Variants in SIPA1L3 observed in about 807,000 individuals in gnomAD.
SIPA1L3 encodes the protein signal induced proliferation associated 1 like 3, also known as signal-induced proliferation-associated 1-like protein 3.
SIPA1L3 carries 59 observed loss-of-function variants against 150.1 expected under a neutral mutation model. The observed-to-expected ratio is 0.39, with a 90% CI of 0.32 to 0.49. The LOEUF (loss-of-function observed/expected upper bound fraction) is 0.49, where lower values mean the gene tolerates loss of function less well. SIPA1L3 is among the 20% of genes least tolerant of loss of function. SIPA1L3 has a pLI of 0.86. For missense variants in SIPA1L3, 2,211 were observed against 2,489.5 expected, an observed-to-expected ratio of 0.89 and a Z score of 2.38; for synonymous variants, 1,070 against 1,077.6, an observed-to-expected ratio of 0.99 and a Z score of 0.14.
intron 1 of SIPA1L3, among the ~76,000 whole-genome samples, chr19:38,000,894 T>TA (rs1188470602): frequency 1.7e-5 from 2 of 114,954 alleles, no homozygotes; most frequent in East Asian, 7.9e-4. Context: ...TATATATATG[T>TA]TATATATATA....
At position 38,206,522 on chromosome 19, in the gene SIPA1L3, CCG is replaced by C; in HGVS notation, c.*284_*285del. 3.0e-6 allele frequency: 1 copy of C among 332,196 alleles called. No homozygotes were observed. 20.6% of individuals were successfully genotyped at this position (332,196 alleles called of 1,614,324 possible). A position where few individuals can be genotyped will look rare whatever the true frequency, so the allele number is the denominator to read the frequency against. On this transcript the variant is annotated 3_prime_UTR_variant, in exon 22 of 22. Coordinates refer to ENST00000222345, the MANE Select transcript of SIPA1L3 (RefSeq NM_015073.3). ...TGCTTACACCGCTCCCGGGCCTGCC[CCG>C]CTGTCCCCATCTAGCCTCTTCCTGG...
At chr19:37,956,675 G>T (rs1166241355) in intron 1 of SIPA1L3, among the ~76,000 whole-genome samples, 1 of 151,970 alleles carries the variant, frequency 6.6e-6, no homozygotes, top group Non-Finnish European at 1.5e-5. Flanking sequence ...GTAGAGATGG[G>T]GTTTCGCCAT....
At chr19:38,133,527 C>G (rs1211487746) in intron 10 of SIPA1L3, among the ~76,000 whole-genome samples, 1 of 152,136 alleles carries the variant, frequency 6.6e-6, no homozygotes, top group African/African-American at 2.4e-5. Context: ...ATGTTCTCAG[C>G]TCTGGAAACA....
chr19:38,131,346 T>C, intron 10 of SIPA1L3, among the ~76,000 whole-genome samples: 1 of 152,138 alleles, frequency 6.6e-6, no homozygotes, highest in South Asian at 2.1e-4. Flanking sequence ...TCCACGAGGC[T>C]CCACAGGGAG....
intron 1 of SIPA1L3, among the ~76,000 whole-genome samples, chr19:37,943,720 C>G (rs2046683097): frequency 1.3e-5 from 2 of 152,062 alleles, no homozygotes; most frequent in African/African-American, 4.8e-5. Flanking sequence ...GGGAGCTCAC[C>G]ACTCACAGGG....
chr19:38,135,339 G>C (rs10460171), intron 10 of SIPA1L3, among the ~76,000 whole-genome samples: 60,606 of 151,858 alleles, frequency 0.4, 12,494 homozygotes, highest in East Asian at 0.62. Flanking sequence ...GGGTGTCTCC[G>C]GTTCCCAGCC....
chr19:38,193,170 T>C (rs7256332), intron 17 of SIPA1L3, among the ~76,000 whole-genome samples: 30,029 of 151,452 alleles, frequency 0.2, 3,962 homozygotes, highest in African/African-American at 0.38. Context: ...AATGAGACCC[T>C]CATCTCTATA....
intron 2 of SIPA1L3, among the ~76,000 whole-genome samples, chr19:38,079,290 G>A (rs1261377774): frequency 6.6e-6 from 1 of 152,192 alleles, no homozygotes; most frequent in South Asian, 2.1e-4. Context: ...CCGAGATCGC[G>A]CCACTGTACT....
rs1972179783 is a variant in SIPA1L3, at chr19:38,164,994, C to T, written c.4208+88C>T. 1.6e-6 allele frequency: 2 copies of T among 1,246,204 alleles called. No individual in the cohort carries two copies. The highest frequency in any genetic ancestry group is 3.0e-5 in the African/African-American group (2 of 66,456). The allele number at this position is 1,246,204 out of a possible 1,614,324, so 77.2% of individuals were successfully genotyped here. A position where few individuals can be genotyped will look rare whatever the true frequency, so the allele number is the denominator to read the frequency against. On this transcript the variant is annotated intron_variant, in intron 15 of 21. Coordinates refer to ENST00000222345, the MANE Select transcript of SIPA1L3 (RefSeq NM_015073.3). The surrounding 1 kb of genome is among the most constrained non-coding windows in gnomAD (Gnocchi z 4.1). ...GTCCTGATGGTGGGGTTCTCCTCCCCAGAAACACACTCACGGATGAATGCG... is the reference window on the plus strand; with the variant it reads ...GTCCTGATGGTGGGGTTCTCCTCCCTAGAAACACACTCACGGATGAATGCG...
intron 16 of SIPA1L3, chr19:38,186,142 C>T (rs886235940): frequency 6.6e-6 from 1 of 152,204 alleles, no homozygotes; most frequent in Non-Finnish European, 1.5e-5. Flanking sequence ...CCTGGAGAGA[C>T]AACAACCCTA....
At chr19:38,201,633 C>T (rs373839303) in intron 19 of SIPA1L3, among the ~76,000 whole-genome samples, 2 of 152,288 alleles carry the variant, frequency 1.3e-5, no homozygotes, top group African/African-American at 4.8e-5. Context: ...ATGAACTGGT[C>T]GTTGGATCGA....
intron 1 of SIPA1L3, among the ~76,000 whole-genome samples, chr19:37,988,169 G>C (rs1281616135): frequency 6.6e-6 from 1 of 152,084 alleles, no homozygotes; most frequent in African/African-American, 2.4e-5. Flanking sequence ...CTGAGGTCAC[G>C]GCCCTCCCCT....
chr19:37,922,503 C>T (rs1235358509), intron 1 of SIPA1L3, among the ~76,000 whole-genome samples: 1 of 152,030 alleles, frequency 6.6e-6, no homozygotes, highest in East Asian at 1.9e-4. Flanking sequence ...CAGCGATTCT[C>T]CTGCCTCAGC....
At chr19:38,194,838 G>A (rs1972886198) in intron 18 of SIPA1L3, among the ~76,000 whole-genome samples, 1 of 152,190 alleles carries the variant, frequency 6.6e-6, no homozygotes, top group African/African-American at 2.4e-5. Context: ...ATCACCTGAG[G>A]TCAGGAGTTC....
chr19:37,979,615 C>T (rs370323402), intron 1 of SIPA1L3, among the ~76,000 whole-genome samples: 29 of 152,130 alleles, frequency 1.9e-4, no homozygotes, highest in African/African-American at 6.5e-4. Flanking sequence ...GAACACGGCC[C>T]GCCCATTTGG....
chr19:37,925,280 A>G (rs2046493255), intron 1 of SIPA1L3, among the ~76,000 whole-genome samples: 1 of 152,168 alleles, frequency 6.6e-6, no homozygotes, highest in African/African-American at 2.4e-5. Context: ...TGACTGAAAC[A>G]GTGTTATGCA....
chr19:38,102,205 C>T (rs2145861340), intron 6 of SIPA1L3, among the ~76,000 whole-genome samples: 1 of 151,928 alleles, frequency 6.6e-6, no homozygotes, highest in South Asian at 2.1e-4. Flanking sequence ...AGCCATCACT[C>T]CCTGCTAGTT....
chr19:38,142,338 G>A (rs1036166818), intron 11 of SIPA1L3, among the ~76,000 whole-genome samples: 2 of 152,234 alleles, frequency 1.3e-5, no homozygotes, highest in Non-Finnish European at 2.9e-5. Flanking sequence ...GGCAGCCGCA[G>A]TGGATCCGGG....
intron 2 of SIPA1L3, among the ~76,000 whole-genome samples, chr19:38,062,066 G>T (rs750333635): frequency 6.6e-6 from 1 of 151,646 alleles, no homozygotes; most frequent in African/African-American, 2.4e-5. Flanking sequence ...AGGATGTATC[G>T]CGTGCTTGCC....
Sources: gnomAD v4.1 joint callset for allele counts (sites outside exome capture counted in the v4.1 genomes callset) on GRCh38, gnomAD v4.1.1 for gene constraint, Gnocchi (gnomAD v3.1) non-coding constraint, MANE v1.5 for transcripts, NCBI Gene and HGNC (gene_info 2026-07-23, HGNC 2026-07-21) for gene names.